The following DNAH7 variants were observed in gnomAD, a reference collection of about 807,000 sequenced individuals.
DNAH7 encodes the protein axonemal beta dynein heavy chain 7.
Under a neutral mutation model 444.6 loss-of-function variants are expected in DNAH7, and 397 were observed. The observed-to-expected ratio is 0.89, with a 90% confidence interval of 0.82 to 0.97. The LOEUF (loss-of-function observed/expected upper bound fraction) is 0.97, where lower values mean the gene tolerates loss of function less well. DNAH7 is among the 50% of genes least tolerant of loss of function. DNAH7 has a pLI of 0.00. For synonymous variants in DNAH7, 1,636 were observed against 1,624.4 expected, an observed-to-expected ratio of 1.01 and a Z score of -0.17; for missense variants, 4,902 against 4,800.8, an observed-to-expected ratio of 1.02 and a Z score of -0.62.
chr2:196,012,533 A>G (rs1399991767), intron 10 of DNAH7, among the ~76,000 whole-genome samples: 1 of 152,166 alleles, frequency 6.6e-6, no homozygotes, highest in Non-Finnish European at 1.5e-5. Context: ...CACCCCTCTC[A>G]AAGGATAGGT....
At chr2:195,873,943 T>C (rs1303637249) in intron 38 of DNAH7, among the ~76,000 whole-genome samples, 1 of 152,168 alleles carries the variant, frequency 6.6e-6, no homozygotes, top group Non-Finnish European at 1.5e-5. Flanking sequence ...CAAAACTATA[T>C]TACTAAGGGA....
intron 1 of DNAH7, among the ~76,000 whole-genome samples, chr2:196,064,449 T>C (rs1457460942): frequency 6.6e-6 from 1 of 152,138 alleles, no homozygotes; most frequent in Non-Finnish European, 1.5e-5. Flanking sequence ...TGTACCAACA[T>C]TGTCTGTGCA....
chr2:196,028,062 A>G lies in DNAH7; in HGVS notation c.399-15T>C. 6.2e-7 allele frequency: 1 copy of G among 1,604,882 alleles called. No individual in the cohort carries two copies. The highest frequency in any genetic ancestry group is 1.1e-5 in the South Asian group (1 of 89,674). On this transcript the variant is annotated splice_polypyrimidine_tract_variant and intron_variant, in intron 5 of 64. Transcript: ENST00000312428. ...CATCTTGTTGCCTAAGAAAATGATA[A>G]ACATACTATTCAAAAGTAGATAAGG...
intron 23 of DNAH7, among the ~76,000 whole-genome samples, chr2:195,922,580 AG>A (rs879539921): frequency 6.6e-6 from 1 of 152,184 alleles, no homozygotes; most frequent in Non-Finnish European, 1.5e-5. Context: ...CCGCCATCTG[AG>A]CTTCTAGCTC....
At chr2:196,009,531 T>C (rs1369195252) in intron 10 of DNAH7, among the ~76,000 whole-genome samples, 2 of 152,162 alleles carry the variant, frequency 1.3e-5, no homozygotes, top group East Asian at 3.8e-4. Context: ...AGAATAAGCA[T>C]TGCTAGAAAC....
intron 61 of DNAH7, among the ~76,000 whole-genome samples, chr2:195,763,786 C>T (rs1343115511): frequency 6.6e-6 from 1 of 151,914 alleles, no homozygotes; most frequent in East Asian, 1.9e-4. Context: ...GAATTCAGTA[C>T]TGAATTCTAC....
intron 37 of DNAH7, 115 bp downstream of exon 37, chr2:195,876,427 ATT>A: frequency 9.8e-7 from 1 of 1,015,854 alleles, no homozygotes; most frequent in Non-Finnish European, 1.4e-6. Flanking sequence ...TTTAATCCAA[ATT>A]TGTGACATTA....
intron 56 of DNAH7, among the ~76,000 whole-genome samples, chr2:195,796,356 C>T (rs1372548715): frequency 6.6e-6 from 1 of 152,122 alleles, no homozygotes; most frequent in African/African-American, 2.4e-5. Context: ...CTGGATGAGC[C>T]CTTGTCCCTG....
Position 195,865,000 on chromosome 2 carries a change from G to T in DNAH7, c.6655C>A (p.Arg2219Ser). The change falls in exon 41 of 65, where the codon CGC becomes AGC. Residue 2219 changes from arginine (R) to serine (S), a missense_variant. Arg to Ser is a moderately radical substitution (Grantham distance 110, BLOSUM62 -1). Transcript: ENST00000312428. ...CTTCTGTCTGTATTGTCCAGAAGGCGGTCATAATACACTCGAAGGACCTGT... is the reference window on the plus strand; with the variant it reads ...CTTCTGTCTGTATTGTCCAGAAGGCTGTCATAATACACTCGAAGGACCTGT... Reference protein sequence around the residue: ...VHEVLRVYYDRLLDNTDRSWL... With the variant: ...VHEVLRVYYDSLLDNTDRSWL... 1 of 1,600,874 alleles carries T rather than the reference G, an allele frequency of 6.2e-7. No homozygotes were observed. The highest frequency in any genetic ancestry group is 1.7e-5 in the Admixed American group (1 of 59,620).
At chr2:195,988,573 C>T (rs190421075) in intron 12 of DNAH7, among the ~76,000 whole-genome samples, 265 of 152,114 alleles carry the variant, frequency 1.7e-3, no homozygotes, top group African/African-American at 6.0e-3. Flanking sequence ...CATAATTATA[C>T]ATATTTATGG....
intron 12 of DNAH7, chr2:195,995,452 G>C: frequency 2.6e-6 from 1 of 390,716 alleles, no homozygotes; most frequent in Non-Finnish European, 5.0e-6. Flanking sequence ...GGACTTCATA[G>C]AGCAGCTCTT....
chr2:196,046,617 C>T (rs552590986), intron 5 of DNAH7, among the ~76,000 whole-genome samples: 13 of 152,200 alleles, frequency 8.5e-5, no homozygotes, highest in Admixed American at 1.3e-4. Context: ...GAAGCACATA[C>T]GCTCAACCCA....
intron 61 of DNAH7, among the ~76,000 whole-genome samples, chr2:195,766,809 T>C (rs1336883809): frequency 6.6e-6 from 1 of 152,170 alleles, no homozygotes; most frequent in Non-Finnish European, 1.5e-5. Flanking sequence ...CACAAATATA[T>C]ACATCTACTA....
intron 8 of DNAH7, among the ~76,000 whole-genome samples, chr2:196,023,709 T>A (rs564244654): frequency 6.6e-6 from 1 of 152,238 alleles, no homozygotes; most frequent in Non-Finnish European, 1.5e-5. Context: ...ATAGCACTTT[T>A]AATTTCCTTT....
intron 61 of DNAH7, among the ~76,000 whole-genome samples, chr2:195,759,397 AGGTAGTACACACCAT>A (rs1335203958): frequency 6.6e-6 from 1 of 152,196 alleles, no homozygotes; most frequent in Admixed American, 6.5e-5. Context: ...AGCAGTAGCC[AGGTAGTACACACCAT>A]GGGCCTTGAG....
chr2:195,938,581 A>T (rs540469140), intron 19 of DNAH7, among the ~76,000 whole-genome samples: 4 of 152,318 alleles, frequency 2.6e-5, no homozygotes, highest in African/African-American at 9.6e-5. Context: ...AAATTATTGC[A>T]ATGTTTCCAT....
Position 195,740,609 on chromosome 2 carries a change from GTGTGTGTATA to G in DNAH7, c.11868+147_11868+156del, listed in dbSNP as rs1433422143. On this transcript the variant is annotated intron_variant, in intron 64 of 64. Transcript: ENST00000312428. The stretch of plus-strand genomic sequence containing the variant: ...TATGTGTGTGTGTGTGTGTGTGTGT[GTGTGTGTATA>G]TATATATATATATATATATATATAT... 1.6e-3 allele frequency among the ~76,000 whole-genome samples: 92 copies of G among 56,808 alleles called. 2 individuals carry two copies. Among genetic ancestry groups the G allele is most frequent in the Middle Eastern group, 7.4e-3 (1 of 136 alleles). 37.3% of individuals were successfully genotyped at this position (56,808 alleles called of 152,430 possible).
At chr2:196,023,420 AAC>A (rs1412434539) in intron 8 of DNAH7, among the ~76,000 whole-genome samples, 1 of 152,234 alleles carries the variant, frequency 6.6e-6, no homozygotes, top group Admixed American at 6.5e-5. Flanking sequence ...AGAACTGCTT[AAC>A]ACAGAACCCA....
chr2:196,050,459 C>T (rs767928946), intron 3 of DNAH7, among the ~76,000 whole-genome samples: 36 of 152,042 alleles, frequency 2.4e-4, no homozygotes, highest in Non-Finnish European at 4.3e-4. Flanking sequence ...CTGAATGTCA[C>T]TGAATACTTA....
Sources: gnomAD v4.1 joint callset for allele counts (sites outside exome capture counted in the v4.1 genomes callset) on GRCh38, gnomAD v4.1.1 for gene constraint, MANE v1.5 for transcripts, NCBI Gene and HGNC (gene_info 2026-07-23, HGNC 2026-07-21) for gene names.